TRIM67: variants seen among roughly 807,000 people sequenced by gnomAD.
The protein encoded by TRIM67 is tripartite motif-containing protein 67.
TRIM67 carries 39 observed loss-of-function variants against 71.0 expected under a neutral mutation model. That is an observed-to-expected ratio of 0.55 (90% confidence interval 0.43 to 0.72). The LOEUF (loss-of-function observed/expected upper bound fraction) is 0.72. Ranked by LOEUF, TRIM67 falls within the 30% of genes least tolerant of loss-of-function variation. The pLI is 0.00. For synonymous variants in TRIM67, 481 were observed against 473.9 expected, an observed-to-expected ratio of 1.01 and a Z score of -0.19; for missense variants, 973 against 1,079.2, an observed-to-expected ratio of 0.90 and a Z score of 1.38.
rs1305133388 is a variant in TRIM67, at chr1:231,163,397, G to C, written c.428G>C (p.Arg143Pro). Residue 143 changes from arginine (R) to proline (P), a missense_variant, in exon 1 of 10, where the codon CGG becomes CCG. Arg to Pro is a moderately radical substitution (Grantham distance 103, BLOSUM62 -2). This residue lies in a region of TRIM67 where 795 missense variants were observed against 831.3 expected (regional missense o/e 0.96). Coordinates refer to ENST00000366653, the MANE Select transcript of TRIM67 (RefSeq NM_001004342.5). Reference sequence around the variant, plus strand: ...CCCGGCTCCTCGGCTGCGGCGGCTCGGGGTGCCGCCTGCTCCTCGCTGTCC... The same window carrying C: ...CCCGGCTCCTCGGCTGCGGCGGCTCCGGGTGCCGCCTGCTCCTCGCTGTCC... Reference protein sequence around the residue: ...APPGSSAAAARGAACSSLSSS... With the variant: ...APPGSSAAAAPGAACSSLSSS... 1 of 1,535,682 alleles carries C rather than the reference G, an allele frequency of 6.5e-7. No homozygotes were observed. The highest frequency in any genetic ancestry group is 2.0e-5 in the Admixed American group (1 of 50,222).
rs116518464 is a variant in TRIM67 at position 231,181,858 on chromosome 1, T to C, written c.1045-15513T>C. ...TCTTTTCTCTATTCTGAACCTTTTTTCTGGATAGTTTGATTTGGCTTAAAA... is the reference window on the plus strand; with the variant it reads ...TCTTTTCTCTATTCTGAACCTTTTTCCTGGATAGTTTGATTTGGCTTAAAA... On this transcript the variant is annotated intron_variant, in intron 1 of 9. Transcript: ENST00000366653. 3.1e-3 allele frequency among the ~76,000 whole-genome samples: 476 copies of C among 152,334 alleles called. 1 individual carries two copies. The highest frequency in any genetic ancestry group is 0.011 in the African/African-American group (464 of 41,570).
chr1:231,192,079 C>T (rs1477750506), intron 1 of TRIM67, among the ~76,000 whole-genome samples: 1 of 152,248 alleles, frequency 6.6e-6, no homozygotes, highest in South Asian at 2.1e-4. Flanking sequence ...GAGGCTGAGG[C>T]AGGAGGATCG....
At chr1:231,198,028 C>A (rs1051839422) in intron 2 of TRIM67, among the ~76,000 whole-genome samples, 2 of 152,120 alleles carry the variant, frequency 1.3e-5, no homozygotes, top group Non-Finnish European at 2.9e-5. Flanking sequence ...CAGGAAAGGA[C>A]TTTTACATGG....
chr1:231,218,607 T>C lies in TRIM67; in HGVS notation c.*3167T>C. 4 of 985,460 alleles carry C rather than the reference T, an allele frequency of 4.1e-6. No homozygotes were observed. Among genetic ancestry groups the C allele is most frequent in the Non-Finnish European group, 4.8e-6 (4 of 829,952 alleles). The allele number at this position is 985,460 out of a possible 1,614,324, so 61.0% of individuals were successfully genotyped here. A position where few individuals can be genotyped will look rare whatever the true frequency, so the allele number is the denominator to read the frequency against. ...CTGCTTTTCCTCTCTCTGTTCTCCT[T>C]GGGAAAATAATGATTCCAATTAAAG... On this transcript the variant is annotated 3_prime_UTR_variant, in exon 10 of 10. Transcript: ENST00000366653.
chr1:231,197,317 T>G, intron 1 of TRIM67, 54 bp from the exon 2 acceptor site: 1 of 1,529,874 alleles, frequency 6.5e-7, no homozygotes, highest in Admixed American at 1.7e-5. Context: ...AAGTGCAAAT[T>G]TTCTGTGCCT....
rs779161330 is a variant in TRIM67, at chr1:231,163,424, C to G, written c.455C>G (p.Ser152Trp). Reference sequence around the variant, plus strand: ...GGTGCCGCCTGCTCCTCGCTGTCCTCGTCTTCGAGCTCCATCACGTGCCCG... The same window carrying G: ...GGTGCCGCCTGCTCCTCGCTGTCCTGGTCTTCGAGCTCCATCACGTGCCCG... ...ARGAACSSLS[S>W]SSSSITCPQC... Residue 152 changes from serine (S) to tryptophan (W), a missense_variant, in exon 1 of 10, where the codon TCG becomes TGG. By Grantham distance (177) the Ser-to-Trp change is radical. Transcript: ENST00000366653. 8 of 1,538,858 alleles carry G rather than the reference C, an allele frequency of 5.2e-6. No individual in the cohort carries two copies. Among genetic ancestry groups the G allele is most frequent in the Non-Finnish European group, 7.0e-6 (8 of 1,146,718 alleles).
intron 2 of TRIM67, 94 bp from the exon 3 acceptor site, chr1:231,198,953 T>C (rs1683446930): frequency 6.4e-7 from 1 of 1,574,532 alleles, no homozygotes; most frequent in African/African-American, 1.4e-5. Flanking sequence ...TGAACTTCTC[T>C]GAAATATATC....
intron 1 of TRIM67, among the ~76,000 whole-genome samples, chr1:231,164,666 C>T (rs1682402376): frequency 6.6e-6 from 1 of 152,172 alleles, no homozygotes. Context: ...ACCAATTATT[C>T]CTTGTAGTCT....
At chr1:231,212,860 TACC>T (rs1683911281) in intron 8 of TRIM67, among the ~76,000 whole-genome samples, 1 of 152,186 alleles carries the variant, frequency 6.6e-6, no homozygotes, top group African/African-American at 2.4e-5. Flanking sequence ...TGTGAATTCT[TACC>T]ACCTACAAAG....
intron 1 of TRIM67, among the ~76,000 whole-genome samples, chr1:231,167,319 C>CCTTTTTTTTTT (rs1682496873): frequency 1.9e-5 from 1 of 51,832 alleles, no homozygotes; most frequent in South Asian, 4.6e-4. Flanking sequence ...ACTCTAATGT[C>CCTTTTTTTTTT]TTTTTTTTTT....
chr1:231,184,508 G>A (rs1180934190), intron 1 of TRIM67: 2 of 156,808 alleles, frequency 1.3e-5, no homozygotes, highest in African/African-American at 2.4e-5. Flanking sequence ...TAGCCCCTCA[G>A]GATCCATCTC....
chr1:231,162,859 G>A lies in TRIM67; in HGVS notation c.-111G>A. ...TGTGAAGTGGGCATGCCCGTGTGAT[G>A]CCCCCGCCCGTCGTCTCACCGGGGC... On this transcript the variant is annotated 5_prime_UTR_variant, in exon 1 of 10. The change abolishes an upstream ATG in the 5' untranslated region. Transcript: ENST00000366653. 7.0e-7 allele frequency: 1 copy of A among 1,428,216 alleles called. No individual in the cohort carries two copies. The allele number at this position is 1,428,216 out of a possible 1,614,324, so 88.5% of individuals were successfully genotyped here. A position where few individuals can be genotyped will look rare whatever the true frequency, so the allele number is the denominator to read the frequency against.
chr1:231,166,451 G>A (rs1682467393), intron 1 of TRIM67, among the ~76,000 whole-genome samples: 1 of 152,200 alleles, frequency 6.6e-6, no homozygotes. Context: ...TATGCTGTGA[G>A]GGTGGCTACT....
At position 231,197,405 on chromosome 1, in the gene TRIM67, A is replaced by G. The variant is rs1683393693; in HGVS notation, c.1079A>G (p.Asp360Gly). The change falls in exon 2 of 10, where the codon GAT becomes GGT. Residue 360 changes from aspartate to glycine, a missense_variant. Physicochemically the swap from Asp to Gly is moderately conservative, Grantham distance 94. Coordinates refer to ENST00000366653, the MANE Select transcript of TRIM67 (RefSeq NM_001004342.5). ...TCTCAGGCCTTAAATGGAGTTTCAG[A>G]TAAGGCAAAGGAAGCAAAGGAGTTT... ...QLSQALNGVS[D>G]KAKEAKEFLV... 1 of 1,614,060 alleles carries G rather than the reference A, an allele frequency of 6.2e-7. No individual in the cohort carries two copies. The highest frequency in any genetic ancestry group is 8.5e-7 in the Non-Finnish European group (1 of 1,179,898).
intron 1 of TRIM67, among the ~76,000 whole-genome samples, chr1:231,191,796 T>G (rs1683237479): frequency 6.6e-6 from 1 of 152,136 alleles, no homozygotes; most frequent in African/African-American, 2.4e-5. Flanking sequence ...ATGCCCAGTG[T>G]GGGAGAGGAT....
rs867367114 is a variant in TRIM67, at chr1:231,163,458, C to A, written c.489C>A (p.His163Gln). The A allele has an allele frequency of 6.5e-7, 1 of 1,539,402 alleles. No individual in the cohort carries two copies. Among genetic ancestry groups the A allele is most frequent in the East Asian group, 2.5e-5 (1 of 40,240 alleles). Residue 163 changes from histidine to glutamine, a missense_variant, in exon 1 of 10, where the codon CAC becomes CAA. Coordinates refer to ENST00000366653, the MANE Select transcript of TRIM67 (RefSeq NM_001004342.5). The part of the protein sequence containing the change: ...SSSSITCPQC[H>Q]RSASLDHRGL... The stretch of plus-strand genomic sequence containing the variant: ...GCTCCATCACGTGCCCGCAGTGCCA[C>A]CGCAGCGCATCCCTGGACCACCGCG...
At chr1:231,166,458 T>C (rs1035522353) in intron 1 of TRIM67, among the ~76,000 whole-genome samples, 1 of 152,264 alleles carries the variant, frequency 6.6e-6, no homozygotes, top group Non-Finnish European at 1.5e-5. Flanking sequence ...TGAGGGTGGC[T>C]ACTTTTGAAA....
intron 2 of TRIM67, 62 bp downstream of exon 2, chr1:231,197,528 G>A (rs1034459758): frequency 3.4e-5 from 52 of 1,508,308 alleles, no homozygotes; most frequent in South Asian, 2.0e-4. Context: ...GTTGTGCATC[G>A]TATTAAGAAG....
intron 1 of TRIM67, among the ~76,000 whole-genome samples, chr1:231,193,529 T>G (rs1038441036): frequency 2.1e-4 from 31 of 151,048 alleles, no homozygotes; most frequent in Non-Finnish European, 1.8e-4. Context: ...TCTCTCTCTC[T>G]CTCTCTCTCT....
Sources: gnomAD v4.1 joint callset for allele counts (sites outside exome capture counted in the v4.1 genomes callset) on GRCh38, gnomAD v4.1.1 for gene constraint, gnomAD v4.1.1 regional missense constraint, MANE v1.5 for transcripts, NCBI Gene and HGNC (gene_info 2026-07-23, HGNC 2026-07-21) for gene names.